Variants in IGFBP7 observed in about 807,000 individuals in gnomAD.
The protein encoded by IGFBP7 is insulin-like growth factor-binding protein 7.
A neutral mutation model predicts 29.4 loss-of-function variants in IGFBP7; 31 were observed. The ratio of observed to expected loss-of-function variants is 1.05; its 90% CI spans 0.79 to 1.42. The LOEUF is 1.42. Ranked by LOEUF, IGFBP7 falls within the 40% of genes most tolerant of loss-of-function variation. IGFBP7 has a pLI of 0.00. For missense variants in IGFBP7, 393 were observed against 395.5 expected (o/e 0.99, Z 0.05); for synonymous variants, 172 against 174.9 (o/e 0.98, Z 0.13).
chr4:57,102,148 G>T (rs1253943300), intron 1 of IGFBP7, among the ~76,000 whole-genome samples: 2 of 152,120 alleles, frequency 1.3e-5, no homozygotes, highest in Non-Finnish European at 2.9e-5. Flanking sequence ...CTCATCCACT[G>T]TAGGGAGGAA....
At chr4:57,100,184 T>C (rs868764945) in intron 1 of IGFBP7, among the ~76,000 whole-genome samples, 2 of 149,256 alleles carry the variant, frequency 1.3e-5, no homozygotes, top group Middle Eastern at 6.9e-3. Flanking sequence ...ACCCTCTCAC[T>C]TTAGCCTCCT....
intron 1 of IGFBP7, among the ~76,000 whole-genome samples, chr4:57,063,811 C>A (rs1289472973): frequency 1.3e-5 from 2 of 152,072 alleles, no homozygotes; most frequent in African/African-American, 4.8e-5. Context: ...AATAAAATGA[C>A]CAGAGTTGCT....
At chr4:57,106,107 T>C (rs1726025684) in intron 1 of IGFBP7, among the ~76,000 whole-genome samples, 2 of 152,010 alleles carry the variant, frequency 1.3e-5, no homozygotes, top group African/African-American at 4.8e-5. Flanking sequence ...GGTGTTTCAT[T>C]GTGTTAGCCA....
intron 1 of IGFBP7, among the ~76,000 whole-genome samples, chr4:57,098,575 ACAGAG>A (rs1725819291): frequency 6.6e-6 from 1 of 152,198 alleles, no homozygotes; most frequent in African/African-American, 2.4e-5. Context: ...CTGAGACACA[ACAGAG>A]CAGAGAGGGG....
chr4:57,089,998 C>T (rs1725595260), intron 1 of IGFBP7, among the ~76,000 whole-genome samples: 1 of 152,228 alleles, frequency 6.6e-6, no homozygotes, highest in African/African-American at 2.4e-5. Context: ...TGGTCCTTGA[C>T]AGCACTGCTG....
In IGFBP7 at chr4:57,110,147, C is replaced by T. The variant is rs933003007; in HGVS notation, c.205G>A (p.Glu69Lys). The T allele has an allele frequency of 1.4e-6, 2 of 1,473,906 alleles. No individual in the cohort carries two copies. Among genetic ancestry groups the T allele is most frequent in the Non-Finnish European group, 1.8e-6 (2 of 1,120,606 alleles). 91.3% of individuals were successfully genotyped at this position (1,473,906 alleles called of 1,614,324 possible). ...CCGGCGCCGCCACCCCCGCACGGCT[C>T]GCCCTCGCCGCGGGCGCACATAGGG... The part of the protein sequence containing the change: ...CCPMCARGEG[E>K]PCGGGGAGRG... Residue 69 changes from glutamate (E) to lysine (K), a missense_variant, in exon 1 of 5, where the codon GAG becomes AAG. Transcript: ENST00000295666.
intron 1 of IGFBP7, among the ~76,000 whole-genome samples, chr4:57,074,940 A>G (rs1238174722): frequency 6.6e-6 from 1 of 152,258 alleles, no homozygotes; most frequent in Non-Finnish European, 1.5e-5. Flanking sequence ...GAACTCAACA[A>G]GAAACAGTGC....
chr4:57,085,118 C>T (rs1725467116), intron 1 of IGFBP7, among the ~76,000 whole-genome samples: 1 of 152,018 alleles, frequency 6.6e-6, no homozygotes, highest in Admixed American at 6.6e-5. Flanking sequence ...CTTTAAAGTG[C>T]AGTATTGTTT....
intron 1 of IGFBP7, among the ~76,000 whole-genome samples, chr4:57,091,305 G>A (rs1425882467): frequency 1.3e-5 from 2 of 152,228 alleles, no homozygotes; most frequent in African/African-American, 4.8e-5. Context: ...AACCATGAAT[G>A]AATGAATGAG....
intron 1 of IGFBP7, among the ~76,000 whole-genome samples, chr4:57,079,140 A>G (rs1725300488): frequency 1.4e-5 from 2 of 147,790 alleles, no homozygotes; most frequent in Admixed American, 1.4e-4. Context: ...TACTTGGCTC[A>G]ACTCAGAGTA....
chr4:57,064,549 C>T (rs551592431), intron 1 of IGFBP7, among the ~76,000 whole-genome samples: 1 of 152,318 alleles, frequency 6.6e-6, no homozygotes, highest in South Asian at 2.1e-4. Flanking sequence ...ACTGCCGATT[C>T]CACAATGCAG....
intron 1 of IGFBP7, among the ~76,000 whole-genome samples, chr4:57,043,429 A>T (rs7655810): frequency 0.029 from 4,380 of 152,280 alleles, 217 homozygotes; most frequent in African/African-American, 0.099. Flanking sequence ...CCCCTTTAGG[A>T]CTGGAAAGTT....
chr4:57,073,137 G>C, intron 1 of IGFBP7: 2 of 1,595,396 alleles, frequency 1.3e-6, no homozygotes, highest in Non-Finnish European at 1.7e-6. Flanking sequence ...CCCTGACCCA[G>C]GCTGCCCAGC....
At chr4:57,073,601 AAAAAATT>A (rs1404412054) in intron 1 of IGFBP7, among the ~76,000 whole-genome samples, 4 of 152,006 alleles carry the variant, frequency 2.6e-5, no homozygotes, top group African/African-American at 9.7e-5. Context: ...CTCAAAAAAA[AAAAAATT>A]AAATAAATAA....
intron 1 of IGFBP7, chr4:57,073,108 G>A: frequency 1.3e-6 from 2 of 1,596,016 alleles, no homozygotes; most frequent in East Asian, 2.2e-5. Context: ...CCTACTTAAA[G>A]CAGGTCACCA....
intron 1 of IGFBP7, among the ~76,000 whole-genome samples, chr4:57,062,945 A>C (rs1461894295): frequency 6.6e-6 from 1 of 152,186 alleles, no homozygotes; most frequent in African/African-American, 2.4e-5. Context: ...ACATTTACTA[A>C]ACTGTAAAAT....
intron 1 of IGFBP7, among the ~76,000 whole-genome samples, chr4:57,090,607 C>T (rs1382158692): frequency 2.6e-5 from 4 of 151,952 alleles, no homozygotes; most frequent in Admixed American, 6.6e-5. Flanking sequence ...GAGGCTGAGG[C>T]GGGCAGATCA....
chr4:57,065,565 G>C (rs1186159923), intron 1 of IGFBP7: 1 of 152,324 alleles, frequency 6.6e-6, no homozygotes, highest in East Asian at 1.9e-4. Context: ...TCCGGCCACG[G>C]CGTCGGCCCT....
intron 2 of IGFBP7, 43 bp from the exon 3 acceptor site, chr4:57,033,354 G>A (rs981242961): frequency 2.8e-5 from 36 of 1,296,958 alleles, no homozygotes; most frequent in Non-Finnish European, 3.7e-5. Context: ...TTGTACACCA[G>A]ATCATCTACT....
Sources: allele counts gnomAD v4.1 joint callset (sites outside exome capture counted in the v4.1 genomes callset), GRCh38; gene constraint gnomAD v4.1.1; transcripts MANE v1.5; gene names NCBI Gene and HGNC (gene_info 2026-07-23, HGNC 2026-07-21).